Variants in GRM7 observed in about 807,000 individuals in gnomAD.
GRM7 encodes the protein metabotropic glutamate receptor 7.
In GRM7, 35 loss-of-function variants were observed where a neutral mutation model predicts 84.5. That is an observed-to-expected ratio of 0.41 (90% CI 0.32 to 0.55). GRM7 has a LOEUF of 0.55. Among genes scored for constraint, GRM7 ranks in the 20% least tolerant of loss-of-function variants. The pLI is 0.19. For synonymous variants in GRM7, 487 were observed against 455.1 expected (o/e 1.07, Z -0.89); for missense variants, 1,003 against 1,194.6 (o/e 0.84, Z 2.36).
chr3:7,721,274 A>G (rs539500887), intron 9 of GRM7, among the ~76,000 whole-genome samples: 13 of 152,326 alleles, frequency 8.5e-5, no homozygotes, highest in African/African-American at 3.1e-4. Flanking sequence ...TTTTGGTCAA[A>G]TTGTATAAGG....
intron 8 of GRM7, among the ~76,000 whole-genome samples, chr3:7,648,916 T>G (rs150974752): frequency 5.9e-5 from 9 of 152,216 alleles, no homozygotes; most frequent in African/African-American, 2.2e-4. Flanking sequence ...CATTGTCTCC[T>G]ACATTTCAGT....
chr3:6,882,776 T>G (rs971166749), intron 1 of GRM7, among the ~76,000 whole-genome samples: 6 of 152,210 alleles, frequency 3.9e-5, no homozygotes, highest in African/African-American at 7.2e-5. Flanking sequence ...TAAGGCTATA[T>G]CACAAACTTA....
At chr3:7,354,424 G>A (rs1221899771) in intron 4 of GRM7, among the ~76,000 whole-genome samples, 1 of 152,124 alleles carries the variant, frequency 6.6e-6, no homozygotes, top group Non-Finnish European at 1.5e-5. Flanking sequence ...TGCATGAGTG[G>A]AATAGATGTT....
chr3:6,869,168 T>C (rs899492235), intron 1 of GRM7, among the ~76,000 whole-genome samples: 1 of 152,086 alleles, frequency 6.6e-6, no homozygotes, highest in Non-Finnish European at 1.5e-5. Context: ...AGAATTTCCA[T>C]GTAGGGGTTA....
chr3:7,192,367 T>C (rs900690267), intron 2 of GRM7, among the ~76,000 whole-genome samples: 5 of 152,124 alleles, frequency 3.3e-5, no homozygotes, highest in African/African-American at 1.2e-4. Context: ...ATGTCCTGGA[T>C]TGGCCTCCTC....
intron 1 of GRM7, among the ~76,000 whole-genome samples, chr3:7,023,700 T>C (rs991151883): frequency 1.3e-5 from 2 of 152,166 alleles, no homozygotes; most frequent in African/African-American, 2.4e-5. Context: ...ACCTGTACCT[T>C]TGCAGTCCTG....
At chr3:7,304,928 A>G (rs532490665) in intron 3 of GRM7, among the ~76,000 whole-genome samples, 1 of 152,286 alleles carries the variant, frequency 6.6e-6, no homozygotes, top group East Asian at 1.9e-4. Flanking sequence ...CAATTCACAT[A>G]TGAATAAGGC....
chr3:6,980,325 C>T (rs1254600992), intron 1 of GRM7, among the ~76,000 whole-genome samples: 4 of 152,104 alleles, frequency 2.6e-5, no homozygotes, highest in Admixed American at 6.5e-5. Flanking sequence ...TGTTGATCTT[C>T]TCTCCAAAAA....
intron 4 of GRM7, among the ~76,000 whole-genome samples, chr3:7,411,111 A>G (rs755112335): frequency 6.6e-6 from 1 of 152,066 alleles, no homozygotes; most frequent in Non-Finnish European, 1.5e-5. Context: ...TCTCTTCTGT[A>G]TGTATCTTAT....
intron 8 of GRM7, among the ~76,000 whole-genome samples, chr3:7,624,159 A>T (rs1394611157): frequency 6.6e-6 from 1 of 152,180 alleles, no homozygotes; most frequent in African/African-American, 2.4e-5. Context: ...CAAAGTCAAT[A>T]GTGTTAGAGG....
At chr3:7,658,304 A>T (rs1351188064) in intron 8 of GRM7, among the ~76,000 whole-genome samples, 4 of 152,240 alleles carry the variant, frequency 2.6e-5, no homozygotes, top group Non-Finnish European at 4.4e-5. Context: ...ATAGCTTTTG[A>T]GTACAGAATG....
chr3:7,232,439 G>C (rs1396408), intron 2 of GRM7, among the ~76,000 whole-genome samples: 136,999 of 152,204 alleles, frequency 0.9, 61,922 homozygotes, highest in East Asian at 1. Flanking sequence ...AGGCTCCCTT[G>C]TGGATCAGAT....
At chr3:6,975,429 T>C (rs370270016) in intron 1 of GRM7, among the ~76,000 whole-genome samples, 4 of 152,218 alleles carry the variant, frequency 2.6e-5, no homozygotes, top group East Asian at 3.9e-4. Context: ...TTTCTACCTG[T>C]ACAAGATTTG....
At chr3:7,230,660 G>A (rs1403628844) in intron 2 of GRM7, among the ~76,000 whole-genome samples, 1 of 152,222 alleles carries the variant, frequency 6.6e-6, no homozygotes, top group Non-Finnish European at 1.5e-5. Flanking sequence ...GCTTAATGCA[G>A]CTTTCAAAGA....
chr3:7,052,047 G>A (rs1404360436), intron 1 of GRM7, among the ~76,000 whole-genome samples: 1 of 151,558 alleles, frequency 6.6e-6, no homozygotes, highest in African/African-American at 2.4e-5. Flanking sequence ...ATTATGTTAG[G>A]AAAAAGTCAT....
At chr3:7,539,913 A>G (rs1354490197) in intron 7 of GRM7, among the ~76,000 whole-genome samples, 1 of 152,190 alleles carries the variant, frequency 6.6e-6, no homozygotes, top group Non-Finnish European at 1.5e-5. Context: ...TACTCTCTGT[A>G]TGGACTTTCC....
At chr3:7,013,722 C>A (rs1175193210) in intron 1 of GRM7, among the ~76,000 whole-genome samples, 3 of 152,108 alleles carry the variant, frequency 2.0e-5, no homozygotes, top group Non-Finnish European at 2.9e-5. Context: ...GCCAGGAGTT[C>A]TTCCAGTCTA....
chr3:7,564,424 T>A (rs1694165959), intron 7 of GRM7, among the ~76,000 whole-genome samples: 1 of 152,168 alleles, frequency 6.6e-6, no homozygotes, highest in African/African-American at 2.4e-5. Context: ...AATGCTCATG[T>A]TATTATCTAG....
chr3:7,386,220 T>C (rs141711756), intron 4 of GRM7, among the ~76,000 whole-genome samples: 291 of 152,346 alleles, frequency 1.9e-3, no homozygotes, highest in African/African-American at 6.5e-3. Context: ...ACTTATTAAT[T>C]ATACCAGCAA....
Sources: gnomAD v4.1 joint callset for allele counts (sites outside exome capture counted in the v4.1 genomes callset) on GRCh38, gnomAD v4.1.1 for gene constraint, MANE v1.5 for transcripts, NCBI Gene and HGNC (gene_info 2026-07-23, HGNC 2026-07-21) for gene names.